The following SEMA3A variants were observed in gnomAD, a reference collection of about 807,000 sequenced individuals.
The protein encoded by SEMA3A is semaphorin-3A.
In SEMA3A, 29 loss-of-function variants were observed where a neutral mutation model predicts 97.9. The observed-to-expected ratio is 0.30, with a 90% CI of 0.22 to 0.40. The LOEUF is 0.40. SEMA3A is among the 10% of genes least tolerant of loss of function. The pLI, the probability that SEMA3A is intolerant of heterozygous loss-of-function variation, is 1.00. For synonymous variants in SEMA3A, 321 were observed against 323.7 expected (o/e 0.99, Z 0.09); for missense variants, 763 against 951.3 (o/e 0.80, Z 2.60).
chr7:84,392,089 T>C (rs1480742987), intron 1 of SEMA3A, among the ~76,000 whole-genome samples: 2 of 152,188 alleles, frequency 1.3e-5, no homozygotes, highest in Non-Finnish European at 2.9e-5. Context: ...AAATATTTGA[T>C]GTTTTTGCGA....
Position 84,353,852 on chromosome 7 carries a change from GTTTACA to G in SEMA3A, c.-169+17966_-169+17971del, listed in dbSNP as rs1802492873. On this transcript the variant is annotated intron_variant, in intron 2 of 3. Transcript: ENST00000424555. ...AGTAATTTTGTCCATGAGCTTTTAGGTTTACATTTTTTGTCAATTTTATCTTCTTTT... is the reference window on the plus strand; with the variant it reads ...AGTAATTTTGTCCATGAGCTTTTAGGTTTTTTGTCAATTTTATCTTCTTTT... 4.6e-5 allele frequency among the ~76,000 whole-genome samples: 7 copies of G among 151,400 alleles called. No homozygotes were observed. In the Admixed American group the frequency reaches 4.6e-4, roughly 10 times the overall value.
chr7:84,078,660 A>C (rs1342204652), intron 4 of SEMA3A, among the ~76,000 whole-genome samples: 1 of 152,050 alleles, frequency 6.6e-6, no homozygotes, highest in Non-Finnish European at 1.5e-5. Flanking sequence ...TTGAAACTCT[A>C]GTTTAATTGT....
rs202005657 is a variant in SEMA3A, at chr7:84,316,130, C to CAAA, written c.-168-8841_-168-8839dup. ...TGCACAATATAGGAAGACTCTATCT[C>CAAA]AAAAAAAAAAAAAAAAAAAAAAAAA... On this transcript the variant is annotated intron_variant, in intron 2 of 3. Coordinates refer to the SEMA3A transcript ENST00000424555. Among the ~76,000 whole-genome samples, 30 of 30,218 alleles carry CAAA rather than the reference C, an allele frequency of 9.9e-4. 1 individual carries two copies. The highest frequency in any genetic ancestry group is 2.0e-3 in the South Asian group (1 of 504). 19.8% of individuals were successfully genotyped at this position (30,218 alleles called of 152,430 possible). A position where few individuals can be genotyped will look rare whatever the true frequency, so the allele number is the denominator to read the frequency against.
chr7:84,038,425 G>C, intron 6 of SEMA3A, among the ~76,000 whole-genome samples: 1 of 151,766 alleles, frequency 6.6e-6, no homozygotes. Context: ...TTTTATTTTT[G>C]TAGTAGTTAT....
At chr7:83,997,179 A>C (rs997125034) in intron 12 of SEMA3A, among the ~76,000 whole-genome samples, 9 of 152,222 alleles carry the variant, frequency 5.9e-5, no homozygotes, top group Non-Finnish European at 1.2e-4. Flanking sequence ...TGGTTGGGTA[A>C]CATTAAATGT....
intron 3 of SEMA3A, among the ~76,000 whole-genome samples, chr7:84,113,126 T>C (rs1795323508): frequency 6.6e-6 from 1 of 152,182 alleles, no homozygotes; most frequent in Admixed American, 6.5e-5. Context: ...GATATAAAGA[T>C]GCTTGAAATG....
chr7:84,388,124 A>G (rs1274373422), intron 1 of SEMA3A, among the ~76,000 whole-genome samples: 1 of 152,182 alleles, frequency 6.6e-6, no homozygotes, highest in African/African-American at 2.4e-5. Flanking sequence ...CACAATAAAC[A>G]GAGTTTTCCT....
chr7:84,027,871 A>G (rs1791605193), intron 6 of SEMA3A, among the ~76,000 whole-genome samples: 1 of 152,196 alleles, frequency 6.6e-6, no homozygotes, highest in South Asian at 2.1e-4. Flanking sequence ...ACAACATACT[A>G]TTGTGAAATA....
intron 4 of SEMA3A, among the ~76,000 whole-genome samples, chr7:84,064,879 A>C (rs1232605160): frequency 2.0e-5 from 3 of 152,106 alleles, no homozygotes; most frequent in Non-Finnish European, 4.4e-5. Flanking sequence ...AAAGTCAACA[A>C]GGATACCCAG....
intron 1 of SEMA3A, among the ~76,000 whole-genome samples, chr7:84,418,581 A>C (rs995656044): frequency 2.0e-5 from 3 of 152,056 alleles, no homozygotes; most frequent in African/African-American, 7.2e-5. Context: ...GAGGCTGAAG[A>C]AGAGGGATAA....
chr7:84,432,851 C>T (rs1189362121), intron 1 of SEMA3A, among the ~76,000 whole-genome samples: 1 of 146,988 alleles, frequency 6.8e-6, no homozygotes, highest in Non-Finnish European at 1.5e-5. Flanking sequence ...GATGAACATA[C>T]AAATGTGAAT....
At chr7:84,429,703 T>C (rs987675012) in intron 1 of SEMA3A, among the ~76,000 whole-genome samples, 1 of 150,236 alleles carries the variant, frequency 6.7e-6, no homozygotes, top group Non-Finnish European at 1.5e-5. Context: ...TAGGAGAGGA[T>C]AGAGGGCAGA....
chr7:84,359,373 C>T (rs1274025795), intron 2 of SEMA3A, among the ~76,000 whole-genome samples: 1 of 151,904 alleles, frequency 6.6e-6, no homozygotes, highest in Non-Finnish European at 1.5e-5. Flanking sequence ...TGTCAAAGGC[C>T]TTTTCTGCAT....
intron 1 of SEMA3A, among the ~76,000 whole-genome samples, chr7:84,442,761 G>A (rs943693979): frequency 9.9e-5 from 15 of 152,074 alleles, no homozygotes; most frequent in South Asian, 2.1e-4. Context: ...AAAATGGGTC[G>A]AAGAGAAAGA....
chr7:84,285,513 AAAGGCTGGTG>A (rs1294619544), intron 3 of SEMA3A, among the ~76,000 whole-genome samples: 1 of 152,214 alleles, frequency 6.6e-6, no homozygotes. Flanking sequence ...ATTACAATGT[AAAGGCTGGTG>A]ATGCCAACAA....
chr7:84,322,707 G>A (rs1286494926), intron 2 of SEMA3A, among the ~76,000 whole-genome samples: 1 of 152,116 alleles, frequency 6.6e-6, no homozygotes, highest in East Asian at 1.9e-4. Context: ...TAAGTCTCAG[G>A]TGTGTCTTCA....
chr7:84,234,833 A>AT (rs1293593553), intron 3 of SEMA3A, among the ~76,000 whole-genome samples: 1 of 151,900 alleles, frequency 6.6e-6, no homozygotes, highest in African/African-American at 2.4e-5. Flanking sequence ...TGCCATTTCA[A>AT]TTTTCAAATC....
intron 2 of SEMA3A, among the ~76,000 whole-genome samples, chr7:84,335,638 G>A (rs1351224727): frequency 6.6e-6 from 1 of 152,018 alleles, no homozygotes; most frequent in Non-Finnish European, 1.5e-5. Flanking sequence ...AGGCATCTAA[G>A]CAAATAAATT....
chr7:84,142,126 T>A (rs1390695047), intron 1 of SEMA3A, among the ~76,000 whole-genome samples: 1 of 152,204 alleles, frequency 6.6e-6, no homozygotes, highest in Non-Finnish European at 1.5e-5. Flanking sequence ...TTTTGTGTAA[T>A]GTGAAAAGTA....
Sources: gnomAD v4.1 joint callset for allele counts (sites outside exome capture counted in the v4.1 genomes callset) on GRCh38, gnomAD v4.1.1 for gene constraint, MANE v1.5 for transcripts, NCBI Gene and HGNC (gene_info 2026-07-23, HGNC 2026-07-21) for gene names.